CNTN6: variants seen among roughly 807,000 people sequenced by gnomAD.
The protein encoded by CNTN6 is contactin 6, also known as contactin-6.
Under a neutral mutation model 122.8 loss-of-function variants are expected in CNTN6, and 137 were observed. The observed-to-expected ratio is 1.12, with a 90% CI of 0.97 to 1.29. CNTN6 has a LOEUF of 1.29. Ranked by LOEUF, CNTN6 falls within the 50% of genes most tolerant of loss-of-function variation. The probability of loss-of-function intolerance (pLI) is 0.00; values close to 1 mark genes in which losing one functional copy is unlikely to be tolerated. For synonymous variants in CNTN6, 570 were observed against 426.0 expected (o/e 1.34, Z -4.16); for missense variants, 1,634 against 1,223.4 (o/e 1.34, Z -5.01).
At chr3:1,249,892 C>G (rs1406327987) in intron 4 of CNTN6, among the ~76,000 whole-genome samples, 1 of 141,400 alleles carries the variant, frequency 7.1e-6, no homozygotes, top group Non-Finnish European at 1.5e-5. Flanking sequence ...TGCCAGCTGC[C>G]TCTCAGCCTT....
chr3:1,392,364 T>C (rs1387962238), intron 20 of CNTN6, among the ~76,000 whole-genome samples: 16 of 152,276 alleles, frequency 1.1e-4, no homozygotes, highest in Non-Finnish European at 1.9e-4. Context: ...TGTAGAAAGC[T>C]GAAACTGGAT....
intron 7 of CNTN6, among the ~76,000 whole-genome samples, chr3:1,303,244 G>A (rs1697740696): frequency 6.6e-6 from 1 of 151,954 alleles, no homozygotes. Flanking sequence ...TAAATCCTCA[G>A]CCTGATAGTC....
intron 13 of CNTN6, 68 bp downstream of exon 13, chr3:1,372,542 CAT>C: frequency 8.0e-7 from 1 of 1,249,958 alleles, no homozygotes. Context: ...CACCATTTTT[CAT>C]AGTTACTCTC....
At chr3:1,242,655 G>C (rs1391794371) in intron 4 of CNTN6, among the ~76,000 whole-genome samples, 3 of 152,144 alleles carry the variant, frequency 2.0e-5, no homozygotes, top group Admixed American at 2.0e-4. Context: ...TGTGGGTTAA[G>C]GTGGGGGGAT....
Position 1,403,957 on chromosome 3 carries a change from A to T in CNTN6, c.*539A>T, listed in dbSNP as rs1029284028. On this transcript the variant is annotated 3_prime_UTR_variant, in exon 23 of 23. Transcript: ENST00000446702. ...TTTACTCAAGAATATTTCAATATAC[A>T]TGATGTTCTTCTCAGCCCACTTTTC... 1 of 152,196 alleles carries T rather than the reference A, an allele frequency of 6.6e-6. No individual in the cohort carries two copies. The highest frequency in any genetic ancestry group is 1.5e-5 in the Non-Finnish European group (1 of 68,038). The allele number at this position is 152,196 out of a possible 1,614,324, so 9.4% of individuals were successfully genotyped here. A position where few individuals can be genotyped will look rare whatever the true frequency, so the allele number is the denominator to read the frequency against.
chr3:1,272,000 G>T (rs1043261280), intron 4 of CNTN6, among the ~76,000 whole-genome samples: 1 of 152,074 alleles, frequency 6.6e-6, no homozygotes, highest in South Asian at 2.1e-4. Context: ...TGAATCATGG[G>T]GGCAGGTTTT....
chr3:1,176,881 TTTC>T (rs1287546963), intron 2 of CNTN6, among the ~76,000 whole-genome samples: 1 of 152,172 alleles, frequency 6.6e-6, no homozygotes, highest in Non-Finnish European at 1.5e-5. Flanking sequence ...CCACAGATTA[TTTC>T]TTCATTACAA....
chr3:1,295,439 G>A (rs1266477076), intron 5 of CNTN6, among the ~76,000 whole-genome samples, 162 bp from the exon 6 acceptor site: 1 of 152,124 alleles, frequency 6.6e-6, no homozygotes, highest in Non-Finnish European at 1.5e-5. Context: ...TTCAATATAA[G>A]GGAATATTAC....
chr3:1,189,125 T>A (rs552011565), intron 2 of CNTN6, among the ~76,000 whole-genome samples: 1 of 152,202 alleles, frequency 6.6e-6, no homozygotes. Context: ...GTAGCTAGAA[T>A]TGATACAGTA....
At chr3:1,329,447 T>C (rs1228321591) in intron 10 of CNTN6, among the ~76,000 whole-genome samples, 2 of 151,756 alleles carry the variant, frequency 1.3e-5, no homozygotes, top group African/African-American at 2.4e-5. Context: ...CACTTGCTTT[T>C]ATTATTGCAA....
At chr3:1,360,420 T>G (rs959192466) in intron 12 of CNTN6, among the ~76,000 whole-genome samples, 2 of 152,084 alleles carry the variant, frequency 1.3e-5, no homozygotes, top group Admixed American at 6.6e-5. Context: ...TCCTAAAATA[T>G]CTTTCTGAAT....
chr3:1,367,006 C>G (rs1035484043), intron 12 of CNTN6, among the ~76,000 whole-genome samples: 8 of 151,892 alleles, frequency 5.3e-5, no homozygotes, highest in African/African-American at 1.9e-4. Flanking sequence ...ACTTTTTCAG[C>G]AAAAAATGCA....
At position 1,228,183 on chromosome 3, in the gene CNTN6, TA is replaced by T. The variant is rs575636312; in HGVS notation, c.358+198del. Among the ~76,000 whole-genome samples, 21 of 151,866 alleles carry T rather than the reference TA, an allele frequency of 1.4e-4. 1 individual carries two copies. The East Asian group carries it at 1.7e-3, about 13-fold the overall frequency. ...TAGAAACCTGCTTCTAAAAAAAGAATAAAAAAAACAGGGAAAAGATCAATGT... is the reference window on the plus strand; with the variant it reads ...TAGAAACCTGCTTCTAAAAAAAGAATAAAAAAACAGGGAAAAGATCAATGT... On this transcript the variant is annotated intron_variant, in intron 4 of 22. Coordinates refer to ENST00000446702, the MANE Select transcript of CNTN6 (RefSeq NM_001289080.2).
At chr3:1,382,588 G>A (rs1469849746) in intron 17 of CNTN6, among the ~76,000 whole-genome samples, 1 of 146,324 alleles carries the variant, frequency 6.8e-6, no homozygotes, top group Non-Finnish European at 1.5e-5. Context: ...TAGTTAAGAA[G>A]TTAATTTGTG....
At chr3:1,192,123 C>T (rs2093710647) in intron 2 of CNTN6, among the ~76,000 whole-genome samples, 1 of 152,068 alleles carries the variant, frequency 6.6e-6, no homozygotes. Flanking sequence ...TTAGAAGTCT[C>T]CTAATTTTCT....
intron 2 of CNTN6, among the ~76,000 whole-genome samples, chr3:1,183,589 AT>A (rs952792745): frequency 6.6e-6 from 1 of 152,052 alleles, no homozygotes; most frequent in African/African-American, 2.4e-5. Flanking sequence ...ACATTCCTAC[AT>A]TTTTATTTAA....
chr3:1,150,477 GCTTTTAC>G (rs527865602), intron 2 of CNTN6, among the ~76,000 whole-genome samples: 2,279 of 152,104 alleles, frequency 0.015, 22 homozygotes, highest in Non-Finnish European at 0.023. Flanking sequence ...AACTTCTAGT[GCTTTTAC>G]TATAGTCATG....
intron 2 of CNTN6, among the ~76,000 whole-genome samples, chr3:1,195,589 C>T (rs1024432293): frequency 6.6e-6 from 1 of 152,154 alleles, no homozygotes; most frequent in Non-Finnish European, 1.5e-5. Flanking sequence ...ATACAGACAT[C>T]TTTATAGTTA....
chr3:1,272,844 TG>T (rs1368888413), intron 4 of CNTN6, among the ~76,000 whole-genome samples: 1 of 152,214 alleles, frequency 6.6e-6, no homozygotes, highest in African/African-American at 2.4e-5. Flanking sequence ...TTCCTACACG[TG>T]GCAGCTGCAA....
Sources: gnomAD v4.1 joint callset for allele counts (sites outside exome capture counted in the v4.1 genomes callset) on GRCh38, gnomAD v4.1.1 for gene constraint, MANE v1.5 for transcripts, NCBI Gene and HGNC (gene_info 2026-07-23, HGNC 2026-07-21) for gene names.